The following ADAMTS2 variants were observed in gnomAD, a reference collection of about 807,000 sequenced individuals.
ADAMTS2 encodes the protein ADAM metallopeptidase with thrombospondin type 1 motif 2.
A neutral mutation model predicts 123.0 loss-of-function variants in ADAMTS2; 50 were observed. That is an observed-to-expected ratio of 0.41 (90% CI 0.32 to 0.51). The LOEUF (loss-of-function observed/expected upper bound fraction) is 0.51, where lower values mean the gene tolerates loss of function less well. ADAMTS2 is among the 20% of genes least tolerant of loss of function. ADAMTS2 has a pLI of 0.35. For missense variants in ADAMTS2, 1,494 were observed against 1,705.2 expected, an observed-to-expected ratio of 0.88 and a Z score of 2.18; for synonymous variants, 678 against 695.4, an observed-to-expected ratio of 0.98 and a Z score of 0.39.
intron 2 of ADAMTS2, among the ~76,000 whole-genome samples, chr5:179,315,331 G>GGAAAGCACTGAGGCCACAGTTGGCTTCC (rs1195221011): frequency 2.0e-5 from 1 of 49,076 alleles, no homozygotes. Flanking sequence ...ACAGTGCTTT[G>GGAAAGCACTGAGGCCACAGTTGGCTTCC]GGAAGGTCAT....
At chr5:179,239,423 GGA>G (rs1036849481) in intron 3 of ADAMTS2, among the ~76,000 whole-genome samples, 5 of 152,142 alleles carry the variant, frequency 3.3e-5, no homozygotes, top group African/African-American at 1.2e-4. Flanking sequence ...GGTGGAGTGC[GGA>G]GAGGGTGAGC....
chr5:179,308,935 G>A lies in ADAMTS2; in HGVS notation c.534+34832C>T, dbSNP rs899602015. On this transcript the variant is annotated intron_variant, in intron 2 of 21. Transcript: ENST00000251582. This position sits in a 1 kb window ranked among gnomAD's most constrained non-coding sequence, Gnocchi z 6.6. ...ATTCATTCAGCCATTCTTCTAGGAG[G>A]ACAGGCCAGGCCATGGTGAGGCCCT... Among the ~76,000 whole-genome samples the A allele has an allele frequency of 1.3e-5, 2 of 152,218 alleles. No homozygotes were observed. Among genetic ancestry groups the A allele is most frequent in the East Asian group, 1.9e-4 (1 of 5,194 alleles).
In ADAMTS2 at chr5:179,154,059, G is replaced by A. The variant is rs759185076; in HGVS notation, c.1372C>T (p.Arg458Cys). The A allele has an allele frequency of 5.6e-6, 9 of 1,603,148 alleles. No homozygotes were observed. The highest frequency in any genetic ancestry group is 1.7e-4 in the Middle Eastern group (1 of 5,978). ...ATGGGCAGTACTCACTGCAGGTAGCGGCTCAGCTCCTGCTGGCTGCAGCGG... is the reference window on the plus strand; with the variant it reads ...ATGGGCAGTACTCACTGCAGGTAGCAGCTCAGCTCCTGCTGGCTGCAGCGG... The part of the protein sequence containing the change: ...WSRCSQQELS[R>C]YLHSYDCLLD... The change falls in exon 8 of 22, where the codon CGC (arginine) becomes TGC (cysteine). Residue 458 changes from arginine (R) to cysteine (C), a missense_variant. Arg to Cys is a radical substitution (Grantham distance 180). Around this residue, in one of 6 missense-constraint regions of ADAMTS2, gnomAD observed 953 missense variants for 1,124.7 expected, o/e 0.85. Transcript: ENST00000251582.
intron 3 of ADAMTS2, among the ~76,000 whole-genome samples, chr5:179,217,536 C>T (rs1206482193): frequency 6.6e-6 from 1 of 152,110 alleles, no homozygotes; most frequent in Non-Finnish European, 1.5e-5. Flanking sequence ...AAACAGATTC[C>T]AAGTGGATGA....
chr5:179,240,740 G>A (rs1356478092), intron 3 of ADAMTS2, among the ~76,000 whole-genome samples: 1 of 151,856 alleles, frequency 6.6e-6, no homozygotes, highest in Non-Finnish European at 1.5e-5. Flanking sequence ...TTGCTGTTTG[G>A]GGGAGGGCAG....
In ADAMTS2 at chr5:179,129,277, G is replaced by A. The variant is rs1762918354; in HGVS notation, c.2457+655C>T. Among the ~76,000 whole-genome samples the A allele has an allele frequency of 6.6e-6, 1 of 152,200 alleles. No individual in the cohort carries two copies. The highest frequency in any genetic ancestry group is 1.5e-5 in the Non-Finnish European group (1 of 68,030). On this transcript the variant is annotated intron_variant, in intron 16 of 21. Coordinates refer to ENST00000251582, the MANE Select transcript of ADAMTS2 (RefSeq NM_014244.5). The surrounding 1 kb of genome is among the most constrained non-coding windows in gnomAD (Gnocchi z 4.1). ...CTCACTGCTGCACCTGCTTACAGGT[G>A]CACCCACGTGTGGAGCGCTGGGGGC...
rs892958798 is a variant in ADAMTS2 at position 179,317,199 on chromosome 5, T to C, written c.534+26568A>G. Among the ~76,000 whole-genome samples, 5 of 152,104 alleles carry C rather than the reference T, an allele frequency of 3.3e-5. No homozygotes were observed. Among genetic ancestry groups the C allele is most frequent in the African/African-American group, 1.2e-4 (5 of 41,404 alleles). On this transcript the variant is annotated intron_variant, in intron 2 of 21. Coordinates refer to ENST00000251582, the MANE Select transcript of ADAMTS2 (RefSeq NM_014244.5). The surrounding 1 kb of genome is among the most constrained non-coding windows in gnomAD (Gnocchi z 4.9). ...CAGCAGGGCCACCTCTGAGCATCCT[T>C]TTCCTCAGCACTTTGGCGTCTTTCC...
chr5:179,211,067 C>A (rs570981893), intron 3 of ADAMTS2, among the ~76,000 whole-genome samples: 1 of 152,238 alleles, frequency 6.6e-6, no homozygotes, highest in South Asian at 2.1e-4. Context: ...TGGCCTTGGG[C>A]CTGCCCACCT....
rs1561783124 is a variant in ADAMTS2, at chr5:179,158,893, G to C, written c.976-14C>G. On this transcript the variant is annotated splice_polypyrimidine_tract_variant and intron_variant, in intron 5 of 21. Coordinates refer to ENST00000251582, the MANE Select transcript of ADAMTS2 (RefSeq NM_014244.5). The surrounding 1 kb of genome is among the most constrained non-coding windows in gnomAD (Gnocchi z 5.0). ...GAGGCTCATGGACTGCAGGGGGATG[G>C]AGAGAAATGGAAGAGAGAGGTTGGC... 1.9e-6 allele frequency: 3 copies of C among 1,613,572 alleles called. No individual in the cohort carries two copies. In the East Asian group the frequency reaches 6.7e-5, roughly 36 times the overall value.
intron 3 of ADAMTS2, among the ~76,000 whole-genome samples, chr5:179,233,323 G>T (rs1765452389): frequency 6.6e-6 from 1 of 152,082 alleles, no homozygotes; most frequent in African/African-American, 2.4e-5. Flanking sequence ...TATCTTGTGT[G>T]TATGTGTTGT....
At position 179,242,764 on chromosome 5, in the gene ADAMTS2, C is replaced by T. The variant is rs1049070474; in HGVS notation, c.688+30147G>A. On this transcript the variant is annotated intron_variant, in intron 3 of 21. Coordinates refer to ENST00000251582, the MANE Select transcript of ADAMTS2 (RefSeq NM_014244.5). This position sits in a 1 kb window ranked among gnomAD's most constrained non-coding sequence, Gnocchi z 4.2. The stretch of plus-strand genomic sequence containing the variant: ...ACAGGGCTCCCTCTTCCCTCAGATC[C>T]CAGTCAAGGAATACAGTATTTCACC... 6.6e-6 allele frequency among the ~76,000 whole-genome samples: 1 copy of T among 152,100 alleles called. No individual in the cohort carries two copies. The highest frequency in any genetic ancestry group is 1.5e-5 in the Non-Finnish European group (1 of 68,016).
intron 4 of ADAMTS2, among the ~76,000 whole-genome samples, chr5:179,191,989 T>G (rs1764316867): frequency 6.6e-6 from 1 of 152,138 alleles, no homozygotes; most frequent in South Asian, 2.1e-4. Flanking sequence ...GGCATAGGGC[T>G]TGGACTGGGC....
At chr5:179,258,842 C>G (rs972169489) in intron 3 of ADAMTS2, among the ~76,000 whole-genome samples, 1 of 152,112 alleles carries the variant, frequency 6.6e-6, no homozygotes, top group African/African-American at 2.4e-5. Flanking sequence ...AATGGGAATA[C>G]GGTTCTGCCA....
In ADAMTS2 at chr5:179,314,084, A is replaced by C. The variant is rs1756908122; in HGVS notation, c.534+29683T>G. 6.6e-6 allele frequency among the ~76,000 whole-genome samples: 1 copy of C among 151,896 alleles called. No individual in the cohort carries two copies. The highest frequency in any genetic ancestry group is 2.4e-5 in the African/African-American group (1 of 41,322). On this transcript the variant is annotated intron_variant, in intron 2 of 21. Transcript: ENST00000251582. This position sits in a 1 kb window ranked among gnomAD's most constrained non-coding sequence, Gnocchi z 4.5. ...GGCGGGGGGGTTCCTCACACACCCC[A>C]CACCCCTGCCTATGCCCAGACCTCC...
chr5:179,338,955 G>A (rs757215743), intron 2 of ADAMTS2, among the ~76,000 whole-genome samples: 7 of 152,058 alleles, frequency 4.6e-5, no homozygotes, highest in Non-Finnish European at 2.9e-5. Flanking sequence ...GGAGAGCCAC[G>A]TGACTTGAGT....
At position 179,189,271 on chromosome 5, in the gene ADAMTS2, C is replaced by G. The variant is rs1444298917; in HGVS notation, c.892-8116G>C. On this transcript the variant is annotated intron_variant, in intron 4 of 21. Transcript: ENST00000251582. The surrounding 1 kb of genome is among the most constrained non-coding windows in gnomAD (Gnocchi z 4.2). ...TCACCTGGGTGCAGGTGGGCTGAGT[C>G]CAAAAAGAGAGTCAGCAAAGGGTGG... 6.6e-6 allele frequency among the ~76,000 whole-genome samples: 1 copy of G among 152,004 alleles called. No individual in the cohort carries two copies. The highest frequency in any genetic ancestry group is 1.5e-5 in the Non-Finnish European group (1 of 68,004).
At chr5:179,327,399 T>C (rs1168953101) in intron 2 of ADAMTS2, among the ~76,000 whole-genome samples, 1 of 152,126 alleles carries the variant, frequency 6.6e-6, no homozygotes, top group Non-Finnish European at 1.5e-5. Flanking sequence ...ACATCCCCCG[T>C]AGAAACTCAG....
intron 3 of ADAMTS2, among the ~76,000 whole-genome samples, chr5:179,246,947 C>T (rs1765814003): frequency 2.0e-5 from 3 of 151,410 alleles, no homozygotes; most frequent in Admixed American, 2.0e-4. Flanking sequence ...TCCAGAGTCT[C>T]CACATTCAAA....
chr5:179,256,037 T>C lies in ADAMTS2; in HGVS notation c.688+16874A>G, dbSNP rs1436076880. 1.3e-5 allele frequency among the ~76,000 whole-genome samples: 2 copies of C among 152,152 alleles called. No homozygotes were observed. Among genetic ancestry groups the C allele is most frequent in the Non-Finnish European group, 1.5e-5 (1 of 68,016 alleles). On this transcript the variant is annotated intron_variant, in intron 3 of 21. Coordinates refer to ENST00000251582, the MANE Select transcript of ADAMTS2 (RefSeq NM_014244.5). This position sits in a 1 kb window ranked among gnomAD's most constrained non-coding sequence, Gnocchi z 4.1. The stretch of plus-strand genomic sequence containing the variant: ...AGGTACCCACCAGTCTCCTTCTCTG[T>C]CCCCAGCCTCTCCCGCAGCTTGGCC...
Sources: allele counts gnomAD v4.1 joint callset (sites outside exome capture counted in the v4.1 genomes callset), GRCh38; gene constraint gnomAD v4.1.1; regional missense constraint gnomAD v4.1.1; non-coding constraint Gnocchi (gnomAD v3.1); transcripts MANE v1.5; gene names NCBI Gene and HGNC (gene_info 2026-07-23, HGNC 2026-07-21).